Variants in RASA3 observed in about 807,000 individuals in gnomAD.
RASA3 encodes ras GTPase-activating protein 3.
Under a neutral mutation model 110.0 loss-of-function variants are expected in RASA3, and 73 were observed. The ratio of observed to expected loss-of-function variants is 0.66; its 90% CI spans 0.55 to 0.81. The LOEUF (loss-of-function observed/expected upper bound fraction) is 0.81, where lower values mean the gene tolerates loss of function less well. Ranked by LOEUF, RASA3 falls within the 30% of genes least tolerant of loss-of-function variation. RASA3 has a pLI of 0.00. For missense variants in RASA3, 976 were observed against 1,113.2 expected (o/e 0.88, Z 1.75); for synonymous variants, 500 against 451.4 (o/e 1.11, Z -1.37).
At chr13:114,123,149 T>A (rs1007159176) in intron 1 of RASA3, among the ~76,000 whole-genome samples, 83 of 152,264 alleles carry the variant, frequency 5.5e-4, no homozygotes, top group African/African-American at 1.9e-3. Context: ...GCCGGAAACA[T>A]GTGTCCTGCA....
Position 114,096,225 on chromosome 13 carries a change from C to T in RASA3, c.56-22388G>A, listed in dbSNP as rs1056410106. Among the ~76,000 whole-genome samples, 4 of 152,180 alleles carry T rather than the reference C, an allele frequency of 2.6e-5. No homozygotes were observed. Among genetic ancestry groups the T allele is most frequent in the Non-Finnish European group, 5.9e-5 (4 of 68,022 alleles). On this transcript the variant is annotated intron_variant, in intron 1 of 23. Transcript: ENST00000334062. This position sits in a 1 kb window ranked among gnomAD's most constrained non-coding sequence, Gnocchi z 5.1. ...CTGGGAAGGGAGTGCGCAGGCCCACCCCGGCGTGCTGCCTGGGAGTCCACG... is the reference window on the plus strand; with the variant it reads ...CTGGGAAGGGAGTGCGCAGGCCCACTCCGGCGTGCTGCCTGGGAGTCCACG...
In RASA3 at chr13:114,003,174, C is replaced by T. The variant is rs571714049; in HGVS notation, c.1743-2242G>A. 8.5e-5 allele frequency among the ~76,000 whole-genome samples: 13 copies of T among 152,322 alleles called. 1 individual carries two copies. The South Asian group carries it at 2.1e-3, about 24-fold the overall frequency. ...TGGGGATGTGACAGAGCTGAGGTGCCGGAGGAGAAGCTGATCCAGGGGCTG... is the reference window on the plus strand; with the variant it reads ...TGGGGATGTGACAGAGCTGAGGTGCTGGAGGAGAAGCTGATCCAGGGGCTG... On this transcript the variant is annotated intron_variant, in intron 18 of 23. Coordinates refer to ENST00000334062, the MANE Select transcript of RASA3 (RefSeq NM_007368.4).
chr13:114,074,405 C>T (rs1007378906), intron 1 of RASA3, among the ~76,000 whole-genome samples: 24 of 152,252 alleles, frequency 1.6e-4, no homozygotes, highest in African/African-American at 5.8e-4. Flanking sequence ...TCACTCTACT[C>T]AGCAAATGTC....
intron 2 of RASA3, among the ~76,000 whole-genome samples, chr13:114,061,898 G>A (rs1002160509): frequency 4.6e-5 from 7 of 152,138 alleles, no homozygotes; most frequent in African/African-American, 7.2e-5. Flanking sequence ...AACAGGGGAC[G>A]TGTCTGCACA....
At chr13:113,982,584 G>A (rs2052961280) in intron 22 of RASA3, among the ~76,000 whole-genome samples, 1 of 152,242 alleles carries the variant, frequency 6.6e-6, no homozygotes. Flanking sequence ...CCAGGTACAC[G>A]TCTCTGCCTC....
At chr13:114,092,244 G>A (rs866033589) in intron 1 of RASA3, among the ~76,000 whole-genome samples, 1 of 151,958 alleles carries the variant, frequency 6.6e-6, no homozygotes, top group South Asian at 2.1e-4. Context: ...GTTCCTTGTG[G>A]TGCATCACTA....
chr13:114,104,865 C>A (rs987366717), intron 1 of RASA3, among the ~76,000 whole-genome samples: 14 of 149,702 alleles, frequency 9.4e-5, no homozygotes, highest in African/African-American at 3.2e-4. Flanking sequence ...ACGTTCACAC[C>A]CTCCCCACAC....
chr13:114,038,431 T>G (rs1262886434), intron 4 of RASA3, among the ~76,000 whole-genome samples: 2 of 152,268 alleles, frequency 1.3e-5, no homozygotes, highest in Non-Finnish European at 2.9e-5. Context: ...CCACAGCACG[T>G]GTGGGTTCCC....
rs922638451 is a variant in RASA3 at position 114,109,932 on chromosome 13, G to A, written c.55+22503C>T. 5.5e-4 allele frequency among the ~76,000 whole-genome samples: 84 copies of A among 152,296 alleles called. 1 individual carries two copies. Among genetic ancestry groups the A allele is most frequent in the East Asian group, 1.9e-3 (10 of 5,174 alleles). On this transcript the variant is annotated intron_variant, in intron 1 of 23. Coordinates refer to ENST00000334062, the MANE Select transcript of RASA3 (RefSeq NM_007368.4). ...AACACCCTTGGGGCGCAACTTCCCG[G>A]TGAACGTCCCGTCTCCTCAGCCACC... is the stretch of plus-strand genomic sequence containing the variant.
intron 1 of RASA3, among the ~76,000 whole-genome samples, chr13:114,087,486 C>T (rs554316711): frequency 5.3e-5 from 8 of 152,354 alleles, no homozygotes; most frequent in South Asian, 4.1e-4. Context: ...GCGCGCTACA[C>T]GAGCTTTTGA....
chr13:114,067,261 G>A (rs983160785), intron 2 of RASA3, among the ~76,000 whole-genome samples: 6 of 151,874 alleles, frequency 4.0e-5, no homozygotes, highest in Non-Finnish European at 7.4e-5. Flanking sequence ...ACACCCCGGG[G>A]CTGAGGATGG....
chr13:113,991,852 GCA>G lies in RASA3; in HGVS notation c.2245+631_2245+632del, dbSNP rs370258384. On this transcript the variant is annotated intron_variant, in intron 22 of 23. Transcript: ENST00000334062. Reference sequence around the variant, plus strand: ...CACGTGCCCTCATGTTTCCACACATGCACAAATTCATGCATGCTCACGTGTCC... The same window carrying G: ...CACGTGCCCTCATGTTTCCACACATGCAAATTCATGCATGCTCACGTGTCC... Among the ~76,000 whole-genome samples, 326 of 152,248 alleles carry G rather than the reference GCA, an allele frequency of 2.1e-3. 1 individual carries two copies. The highest frequency in any genetic ancestry group is 3.4e-3 in the Middle Eastern group (1 of 294).
rs2080267337 is a variant in RASA3, at chr13:114,115,740, C to T, written c.55+16695G>A. The stretch of plus-strand genomic sequence containing the variant: ...CAGCCGCAGTCTCCTACCTCTATTG[C>T]TTCTCAAGGGAAAAGCACAGCCTGG... On this transcript the variant is annotated intron_variant, in intron 1 of 23. Coordinates refer to ENST00000334062, the MANE Select transcript of RASA3 (RefSeq NM_007368.4). The surrounding 1 kb of genome is among the most constrained non-coding windows in gnomAD (Gnocchi z 5.0). 6.6e-6 allele frequency among the ~76,000 whole-genome samples: 1 copy of T among 152,214 alleles called. No individual in the cohort carries two copies. Among genetic ancestry groups the T allele is most frequent in the African/African-American group, 2.4e-5 (1 of 41,460 alleles).
At chr13:114,005,855 T>C (rs1594306293) in intron 18 of RASA3, among the ~76,000 whole-genome samples, 2 of 67,504 alleles carry the variant, frequency 3.0e-5, no homozygotes, top group Non-Finnish European at 5.3e-5. Context: ...CCTTCTCCCC[T>C]CCTGCCCTGC....
chr13:114,049,500 C>G (rs999245181), intron 3 of RASA3, among the ~76,000 whole-genome samples: 3 of 152,230 alleles, frequency 2.0e-5, no homozygotes, highest in African/African-American at 4.8e-5. Context: ...TGATCAGCTT[C>G]TCTTACTAAA....
chr13:114,001,408 G>C (rs576124653), intron 18 of RASA3, among the ~76,000 whole-genome samples: 3 of 143,580 alleles, frequency 2.1e-5, no homozygotes, highest in Non-Finnish European at 4.7e-5. Context: ...GGCAGTGGAC[G>C]CTCACACACA....
intron 8 of RASA3, among the ~76,000 whole-genome samples, chr13:114,023,691 G>A (rs2053974299): frequency 1.3e-5 from 2 of 152,216 alleles, no homozygotes; most frequent in Admixed American, 1.3e-4. Context: ...ACCCACAAGC[G>A]ATTTCCCCGT....
chr13:114,102,613 C>G (rs146563574), intron 1 of RASA3, among the ~76,000 whole-genome samples: 1,801 of 152,286 alleles, frequency 0.012, 30 homozygotes, highest in African/African-American at 0.039. Context: ...GATGCTGAGG[C>G]CCAGGGCGGT....
chr13:114,117,590 C>T (rs1201868387), intron 1 of RASA3, among the ~76,000 whole-genome samples: 1 of 119,222 alleles, frequency 8.4e-6, no homozygotes, highest in African/African-American at 3.3e-5. Context: ...TCTGTATGCA[C>T]ATCTGTGGGT....
Sources: gnomAD v4.1 joint callset for allele counts (sites outside exome capture counted in the v4.1 genomes callset) on GRCh38, gnomAD v4.1.1 for gene constraint, Gnocchi (gnomAD v3.1) non-coding constraint, MANE v1.5 for transcripts, NCBI Gene and HGNC (gene_info 2026-07-23, HGNC 2026-07-21) for gene names.